The following MSRA variants were observed in gnomAD, a reference collection of about 807,000 sequenced individuals.
MSRA encodes the protein mitochondrial peptide methionine sulfoxide reductase.
A neutral mutation model predicts 31.3 loss-of-function variants in MSRA; 54 were observed. That is an observed-to-expected ratio of 1.73 (90% CI 1.39 to 2.17). The LOEUF (loss-of-function observed/expected upper bound fraction) is 2.17. Ranked by LOEUF, MSRA falls within the 30% of genes most tolerant of loss-of-function variation. The probability of loss-of-function intolerance (pLI) is 0.00; values close to 1 mark genes in which losing one functional copy is unlikely to be tolerated. For synonymous variants in MSRA, 169 were observed against 116.5 expected, an observed-to-expected ratio of 1.45 and a Z score of -2.90; for missense variants, 507 against 300.9, an observed-to-expected ratio of 1.69 and a Z score of -5.07.
At chr8:10,393,113 C>G (rs1244517864) in intron 5 of MSRA, among the ~76,000 whole-genome samples, 1 of 149,252 alleles carries the variant, frequency 6.7e-6, no homozygotes, top group African/African-American at 2.5e-5. Flanking sequence ...CTGAGTTATG[C>G]TGCGAGAAAA....
chr8:10,272,034 A>G (rs1005669952), intron 3 of MSRA, among the ~76,000 whole-genome samples: 4 of 152,084 alleles, frequency 2.6e-5, no homozygotes, highest in Admixed American at 6.6e-5. Context: ...AAATCCTCCA[A>G]TTTAGCCCCT....
chr8:10,264,831 C>A (rs927750367), intron 3 of MSRA, among the ~76,000 whole-genome samples: 2 of 152,170 alleles, frequency 1.3e-5, no homozygotes, highest in Non-Finnish European at 2.9e-5. Context: ...GTCAGTTAAA[C>A]AGTTAGATAG....
At chr8:10,108,633 G>A (rs921999921) in intron 1 of MSRA, among the ~76,000 whole-genome samples, 10 of 152,124 alleles carry the variant, frequency 6.6e-5, no homozygotes, top group South Asian at 2.1e-4. Flanking sequence ...AAGTTTGCAC[G>A]TAGAAACTTT....
chr8:10,059,444 G>A (rs558297740), intron 1 of MSRA, among the ~76,000 whole-genome samples: 38 of 152,300 alleles, frequency 2.5e-4, no homozygotes, highest in Middle Eastern at 3.4e-3. Flanking sequence ...GGATATGAAC[G>A]TAGTCAGTTT....
chr8:10,171,974 G>A (rs904964979), intron 1 of MSRA, among the ~76,000 whole-genome samples: 1 of 152,212 alleles, frequency 6.6e-6, no homozygotes, highest in African/African-American at 2.4e-5. Context: ...GGAACCAGAG[G>A]AACTTAGGTT....
intron 5 of MSRA, among the ~76,000 whole-genome samples, chr8:10,321,413 C>G (rs959671700): frequency 6.6e-6 from 1 of 152,010 alleles, no homozygotes; most frequent in Admixed American, 6.5e-5. Flanking sequence ...AAGGTCAGTT[C>G]GACTATGATG....
chr8:10,127,423 G>A (rs980533711), intron 1 of MSRA, among the ~76,000 whole-genome samples: 1 of 152,166 alleles, frequency 6.6e-6, no homozygotes, highest in Non-Finnish European at 1.5e-5. Context: ...GGAGTACAAA[G>A]GGATGAAGGA....
At chr8:10,075,054 T>G (rs926522401) in intron 1 of MSRA, among the ~76,000 whole-genome samples, 4 of 152,260 alleles carry the variant, frequency 2.6e-5, no homozygotes, top group African/African-American at 9.6e-5. Context: ...GCATTTATTT[T>G]CTTTACTACT....
intron 5 of MSRA, among the ~76,000 whole-genome samples, chr8:10,407,845 T>C (rs1288352184): frequency 6.6e-6 from 1 of 152,206 alleles, no homozygotes; most frequent in African/African-American, 2.4e-5. Flanking sequence ...TTGTAATGCC[T>C]ATTCTACCTG....
At chr8:10,067,336 T>C (rs188172524) in intron 1 of MSRA, among the ~76,000 whole-genome samples, 14 of 152,372 alleles carry the variant, frequency 9.2e-5, no homozygotes, top group Admixed American at 8.5e-4. Flanking sequence ...CTTCATGTCT[T>C]TTCCTGGTTG....
At chr8:10,217,444 A>G (rs2129065269) in intron 2 of MSRA, among the ~76,000 whole-genome samples, 1 of 152,336 alleles carries the variant, frequency 6.6e-6, no homozygotes, top group East Asian at 1.9e-4. Flanking sequence ...TGTATCTAAA[A>G]CAAGCAATGG....
chr8:10,395,640 T>C (rs1402381061), intron 5 of MSRA, among the ~76,000 whole-genome samples: 2 of 152,032 alleles, frequency 1.3e-5, no homozygotes, highest in Non-Finnish European at 2.9e-5. Flanking sequence ...ATGCGAACAG[T>C]TTTTGTCATC....
chr8:10,254,279 A>G (rs1297596288), intron 3 of MSRA, among the ~76,000 whole-genome samples: 1 of 152,082 alleles, frequency 6.6e-6, no homozygotes, highest in Non-Finnish European at 1.5e-5. Context: ...GAACTCTTTT[A>G]TTTATAGTTG....
intron 2 of MSRA, among the ~76,000 whole-genome samples, chr8:10,229,240 A>C (rs1001924304): frequency 2.0e-5 from 3 of 147,828 alleles, no homozygotes; most frequent in Non-Finnish European, 3.0e-5. Flanking sequence ...GATACTGAGC[A>C]GGAGATGGTG....
intron 5 of MSRA, among the ~76,000 whole-genome samples, chr8:10,335,213 G>A (rs907621694): frequency 1.4e-5 from 2 of 147,332 alleles, no homozygotes; most frequent in African/African-American, 2.5e-5. Context: ...GGGAAAGTGA[G>A]CCACCTTTTC....
At chr8:10,062,831 G>A (rs1457693350) in intron 1 of MSRA, among the ~76,000 whole-genome samples, 1 of 152,166 alleles carries the variant, frequency 6.6e-6, no homozygotes, top group African/African-American at 2.4e-5. Flanking sequence ...TGATAGGAGT[G>A]GATCGTGTTA....
intron 1 of MSRA, among the ~76,000 whole-genome samples, chr8:10,089,136 TCCCA>T (rs1291216813): frequency 1.4e-4 from 11 of 76,898 alleles, no homozygotes; most frequent in African/African-American, 4.3e-4. Context: ...GCTGCTTTTG[TCCCA>T]CACACACACA....
intron 5 of MSRA, among the ~76,000 whole-genome samples, chr8:10,334,213 TGTC>T (rs1802885770): frequency 2.6e-5 from 4 of 151,360 alleles, no homozygotes; most frequent in African/African-American, 9.7e-5. Flanking sequence ...TGTGTGTGTG[TGTC>T]TGGGTATATA....
intron 1 of MSRA, among the ~76,000 whole-genome samples, chr8:10,076,878 A>G (rs1398910354): frequency 3.3e-5 from 5 of 151,978 alleles, no homozygotes; most frequent in African/African-American, 9.7e-5. Flanking sequence ...GGGCTGGGGA[A>G]GAGCATACAC....
Sources: allele counts gnomAD v4.1 joint callset (sites outside exome capture counted in the v4.1 genomes callset), GRCh38; gene constraint gnomAD v4.1.1; transcripts MANE v1.5; gene names NCBI Gene and HGNC (gene_info 2026-07-23, HGNC 2026-07-21).